DHX29: variants seen among roughly 807,000 people sequenced by gnomAD.
DHX29 encodes the protein ATP-dependent RNA helicase DHX29.
DHX29 carries 79 observed loss-of-function variants against 167.9 expected under a neutral mutation model. The ratio of observed to expected loss-of-function variants is 0.47; its 90% CI spans 0.39 to 0.57. The LOEUF is 0.57. DHX29 is among the 20% of genes least tolerant of loss of function. The pLI, the probability that DHX29 is intolerant of heterozygous loss-of-function variation, is 0.00. For synonymous variants in DHX29, 530 were observed against 546.0 expected (o/e 0.97, Z 0.41); for missense variants, 1,347 against 1,593.4 (o/e 0.85, Z 2.63).
In DHX29 at chr5:55,298,616, G is replaced by T; in HGVS notation, c.236C>A (p.Ala79Glu). Residue 79 changes from alanine (A) to glutamate (E), a missense_variant, in exon 2 of 27, where the codon GCA (alanine) becomes GAA (glutamate). Physicochemically the swap from Ala to Glu is moderately radical, Grantham distance 107. Coordinates refer to ENST00000251636, the MANE Select transcript of DHX29 (RefSeq NM_019030.4). ...TTTCAAAATAGATTTATCCAGATTT[G>T]CAGGACCACTAGAATCATTTGTAGA... ...FNSTNDSSGP[A>E]NLDKSILKVV... The T allele has an allele frequency of 6.4e-7, 1 of 1,557,458 alleles. No individual in the cohort carries two copies. The highest frequency in any genetic ancestry group is 8.8e-7 in the Non-Finnish European group (1 of 1,130,372).
intron 2 of DHX29, among the ~76,000 whole-genome samples, chr5:55,297,795 G>A (rs188046632): frequency 6.6e-6 from 1 of 152,224 alleles, no homozygotes; most frequent in Non-Finnish European, 1.5e-5. Context: ...TACTAAAAAC[G>A]GGTATAACAA....
intron 14 of DHX29, 120 bp downstream of exon 14, chr5:55,276,146 T>A: frequency 2.4e-6 from 2 of 826,128 alleles, no homozygotes; most frequent in Non-Finnish European, 3.7e-6. Context: ...CTCAGATCTG[T>A]TCCTCATCTA....
rs76309735 is a variant in DHX29, at chr5:55,289,170, G to A, written c.1066+100C>T. 2,258 of 1,295,986 alleles carry A rather than the reference G, an allele frequency of 1.7e-3. 31 individuals carry two copies. The African/African-American group carries it at 0.032, about 18-fold the overall frequency. The allele number at this position is 1,295,986 out of a possible 1,614,324, so 80.3% of individuals were successfully genotyped here. On this transcript the variant is annotated intron_variant, in intron 8 of 26. Transcript: ENST00000251636. ...AAGTGTAACTTCACTGCCATCTTAC[G>A]TACTTTGCCAGAATGCAAAGTAACG...
At chr5:55,261,212 G>A (rs1015590935) in intron 25 of DHX29, among the ~76,000 whole-genome samples, 156 bp downstream of exon 25, 2 of 152,052 alleles carry the variant, frequency 1.3e-5, no homozygotes, top group Non-Finnish European at 2.9e-5. Context: ...AAATTTAACA[G>A]ATTTAAAACC....
chr5:55,265,920 G>A (rs2111804264), intron 23 of DHX29, among the ~76,000 whole-genome samples: 1 of 151,944 alleles, frequency 6.6e-6, no homozygotes, highest in East Asian at 1.9e-4. Flanking sequence ...AATTTGATGT[G>A]TGTTTGAAAT....
chr5:55,260,463 C>T (rs965333333), intron 25 of DHX29, among the ~76,000 whole-genome samples: 5 of 152,188 alleles, frequency 3.3e-5, no homozygotes, highest in South Asian at 2.1e-4. Context: ...GAACTCCTGA[C>T]CTCATGATCC....
rs200658088 is a variant in DHX29, at chr5:55,269,396, A to G, written c.3294+17T>C. The stretch of plus-strand genomic sequence containing the variant: ...AGGATATTTAAAGTAAAGAAGCAGC[A>G]GCATTGTTTGACTTACCACTGGGTC... On this transcript the variant is annotated intron_variant, in intron 21 of 26. Transcript: ENST00000251636. 4.4e-6 allele frequency: 7 copies of G among 1,607,228 alleles called. No homozygotes were observed. The African/African-American group carries it at 8.0e-5, about 18-fold the overall frequency.
rs769329849 is a variant in DHX29 at position 55,289,403 on chromosome 5, T to C, written c.933A>G (p.Pro311=). ...QREMETLEDH[P]VFNPAMKISH... ...AAATCTTCATGGCTGGGTTAAATAC[T>C]GGATGGTCTTCTAAAGTTTCCATTT... The change falls in exon 8 of 27, where the codon CCA becomes CCG. Residue 311 remains proline (P), a synonymous_variant. Coordinates refer to ENST00000251636, the MANE Select transcript of DHX29 (RefSeq NM_019030.4). The C allele has an allele frequency of 9.5e-6, 15 of 1,573,488 alleles. No individual in the cohort carries two copies. In the South Asian group the frequency reaches 1.6e-4, roughly 17 times the overall value.
intron 1 of DHX29, 48 bp downstream of exon 1, chr5:55,307,339 C>A: frequency 6.5e-7 from 1 of 1,531,676 alleles, no homozygotes; most frequent in Non-Finnish European, 8.9e-7. Flanking sequence ...TCAGGACAAG[C>A]AGCAAGGTCT....
Position 55,256,511 on chromosome 5 carries a change from A to G in DHX29, c.4087T>C (p.Leu1363=), listed in dbSNP as rs1034993017. The G allele has an allele frequency of 2.5e-6, 4 of 1,596,446 alleles. No homozygotes were observed. The African/African-American group carries it at 4.1e-5, about 16-fold the overall frequency. The change falls in exon 27 of 27, where the codon TTG becomes CTG. Residue 1363 remains leucine (L), a synonymous_variant. Coordinates refer to ENST00000251636, the MANE Select transcript of DHX29 (RefSeq NM_019030.4). ...NDKILQIITE[L]IKTENN ...TTTCAGTTATTCTCTGTTTTTATCA[A>G]TTCCGTAATGATCTGCAGAATCTTG... is the stretch of plus-strand genomic sequence containing the variant.
chr5:55,294,502 A>G (rs1748209074), intron 5 of DHX29, among the ~76,000 whole-genome samples: 1 of 152,186 alleles, frequency 6.6e-6, no homozygotes, highest in Admixed American at 6.5e-5. Flanking sequence ...GTGAAACCCC[A>G]TCTCTACTAA....
intron 8 of DHX29, among the ~76,000 whole-genome samples, chr5:55,286,515 G>C (rs1199421732): frequency 6.6e-6 from 1 of 152,124 alleles, no homozygotes; most frequent in Non-Finnish European, 1.5e-5. Context: ...GTCATTTCTA[G>C]GTTTATCAGC....
chr5:55,260,882 T>C (rs1379129282), intron 25 of DHX29, among the ~76,000 whole-genome samples: 3 of 152,222 alleles, frequency 2.0e-5, no homozygotes, highest in African/African-American at 7.2e-5. Flanking sequence ...TTATAAACTA[T>C]AAATCTGTTT....
chr5:55,304,540 T>C (rs1319847534), intron 1 of DHX29, among the ~76,000 whole-genome samples: 1 of 151,946 alleles, frequency 6.6e-6, no homozygotes, highest in Admixed American at 6.6e-5. Context: ...GACCTCGTGA[T>C]CCGCCTGCCT....
At chr5:55,295,303 T>C in intron 5 of DHX29, 76 bp downstream of exon 5, 2 of 1,121,402 alleles carry the variant, frequency 1.8e-6, no homozygotes, top group Non-Finnish European at 2.6e-6. Flanking sequence ...AGAAACCTAA[T>C]ATTTATACTC....
intron 23 of DHX29, among the ~76,000 whole-genome samples, chr5:55,264,549 G>C (rs1366602141): frequency 6.6e-6 from 1 of 152,142 alleles, no homozygotes; most frequent in Non-Finnish European, 1.5e-5. Context: ...CACTAGAGAA[G>C]TCTTCCGTAC....
intron 6 of DHX29, among the ~76,000 whole-genome samples, chr5:55,292,400 T>A (rs1476544584): frequency 2.0e-5 from 3 of 152,192 alleles, no homozygotes; most frequent in African/African-American, 4.8e-5. Flanking sequence ...AATGTCTCTC[T>A]TCCTTTCCAA....
Position 55,281,533 on chromosome 5 carries a change from G to A in DHX29, c.1966-18C>T, listed in dbSNP as rs1235402530. 2.6e-6 allele frequency: 4 copies of A among 1,526,818 alleles called. No individual in the cohort carries two copies. Among genetic ancestry groups the A allele is most frequent in the South Asian group, 1.3e-5 (1 of 75,426 alleles). The allele number at this position is 1,526,818 out of a possible 1,614,324, so 94.6% of individuals were successfully genotyped here. On this transcript the variant is annotated intron_variant, in intron 11 of 26. Coordinates refer to ENST00000251636, the MANE Select transcript of DHX29 (RefSeq NM_019030.4). Reference sequence around the variant, plus strand: ...AAGGAATTCTAAAGGGAGAACATAAGGCCTTGATTAGATTCTCATGAGTAA... The same window carrying A: ...AAGGAATTCTAAAGGGAGAACATAAAGCCTTGATTAGATTCTCATGAGTAA...
chr5:55,291,775 T>C (rs1473732614), intron 6 of DHX29, among the ~76,000 whole-genome samples: 1 of 152,244 alleles, frequency 6.6e-6, no homozygotes, highest in Non-Finnish European at 1.5e-5. Flanking sequence ...ATATGGTATC[T>C]GTCTTTTTGT....
Sources: gnomAD v4.1 joint callset for allele counts (sites outside exome capture counted in the v4.1 genomes callset) on GRCh38, gnomAD v4.1.1 for gene constraint, MANE v1.5 for transcripts, NCBI Gene and HGNC (gene_info 2026-07-23, HGNC 2026-07-21) for gene names.